ITGBL1: variants seen among roughly 807,000 people sequenced by gnomAD.
ITGBL1 encodes the protein integrin beta-like protein 1.
Under a neutral mutation model 68.5 loss-of-function variants are expected in ITGBL1, and 51 were observed. That is an observed-to-expected ratio of 0.74 (90% CI 0.59 to 0.94). The LOEUF (loss-of-function observed/expected upper bound fraction) is 0.94, where lower values mean the gene tolerates loss of function less well. Among genes scored for constraint, ITGBL1 ranks in the 40% least tolerant of loss-of-function variants. The probability of loss-of-function intolerance (pLI) is 0.00; values close to 1 mark genes in which losing one functional copy is unlikely to be tolerated. For synonymous variants in ITGBL1, 209 were observed against 227.3 expected, an observed-to-expected ratio of 0.92 and a Z score of 0.72; for missense variants, 649 against 647.4, an observed-to-expected ratio of 1.00 and a Z score of -0.03.
Position 101,571,387 on chromosome 13 carries a change from G to C in ITGBL1, c.463+3542G>C, listed in dbSNP as rs1030482286. 4.6e-5 allele frequency among the ~76,000 whole-genome samples: 7 copies of C among 152,036 alleles called. No homozygotes were observed. The South Asian group carries it at 1.0e-3, about 23-fold the overall frequency. ...GAATGACGTGTTCATAAGTCACTCA[G>C]ACTTATTTTATTTTCTTCTCTTTTA... On this transcript the variant is annotated intron_variant, in intron 3 of 10. Coordinates refer to ENST00000376180, the MANE Select transcript of ITGBL1 (RefSeq NM_004791.3).
intron 5 of ITGBL1, among the ~76,000 whole-genome samples, chr13:101,580,609 G>A (rs984901329): frequency 1.3e-5 from 2 of 152,030 alleles, no homozygotes; most frequent in Non-Finnish European, 2.9e-5. Flanking sequence ...ATCACAACAG[G>A]CCCCAGTGTG....
At chr13:101,498,074 C>T (rs1218864630) in intron 2 of ITGBL1, among the ~76,000 whole-genome samples, 2 of 152,008 alleles carry the variant, frequency 1.3e-5, no homozygotes, top group African/African-American at 4.8e-5. Context: ...ATTTGGTACT[C>T]CTGGTATGCA....
At chr13:101,620,019 A>G (rs1045424784) in intron 7 of ITGBL1, among the ~76,000 whole-genome samples, 3 of 152,124 alleles carry the variant, frequency 2.0e-5, no homozygotes, top group Admixed American at 6.6e-5. Flanking sequence ...GTTTTTAATG[A>G]TTACACATTA....
intron 7 of ITGBL1, among the ~76,000 whole-genome samples, chr13:101,671,429 T>TTTTTTG (rs2033360303): frequency 1.4e-5 from 1 of 70,534 alleles, no homozygotes; most frequent in African/African-American, 4.4e-5. Flanking sequence ...TACCTTTGTT[T>TTTTTTG]TTTTTTTGTT....
intron 2 of ITGBL1, among the ~76,000 whole-genome samples, chr13:101,503,044 G>T (rs1297711276): frequency 1.3e-5 from 2 of 152,118 alleles, no homozygotes; most frequent in Non-Finnish European, 2.9e-5. Context: ...TCTGATAGTG[G>T]TTTGTTCAAA....
At chr13:101,576,749 C>G (rs960864845) in intron 4 of ITGBL1, among the ~76,000 whole-genome samples, 9 of 152,228 alleles carry the variant, frequency 5.9e-5, no homozygotes, top group African/African-American at 2.2e-4. Context: ...TCCTTGATCT[C>G]CTGGCTGTAC....
chr13:101,463,207 G>A (rs1300912168), intron 2 of ITGBL1, among the ~76,000 whole-genome samples: 1 of 152,100 alleles, frequency 6.6e-6, no homozygotes, highest in Non-Finnish European at 1.5e-5. Context: ...TTTCAAATAA[G>A]CAATTTTCTT....
intron 2 of ITGBL1, among the ~76,000 whole-genome samples, chr13:101,496,976 T>C (rs1594847172): frequency 1.3e-5 from 2 of 152,090 alleles, no homozygotes; most frequent in African/African-American, 2.4e-5. Context: ...ATGTAGATCA[T>C]AGTAAAGGGG....
chr13:101,542,103 G>A (rs2049717048), intron 2 of ITGBL1, among the ~76,000 whole-genome samples: 3 of 152,116 alleles, frequency 2.0e-5, no homozygotes, highest in South Asian at 4.1e-4. Flanking sequence ...GCTAGCTTTT[G>A]AATGTGTTTG....
At position 101,611,860 on chromosome 13, in the gene ITGBL1, A is replaced by G. The variant is rs377197919; in HGVS notation, c.1015+13561A>G. Among the ~76,000 whole-genome samples the G allele has an allele frequency of 3.3e-5, 5 of 152,266 alleles. No individual in the cohort carries two copies. The East Asian group carries it at 9.7e-4, about 29-fold the overall frequency. On this transcript the variant is annotated intron_variant, in intron 7 of 10. Transcript: ENST00000376180. ...TGCCTGTCATTTCTGACATACCTTC[A>G]TAGCAGACTTTGTGTCTGGTTTTGC...
chr13:101,553,562 T>G (rs1194149093), intron 2 of ITGBL1, among the ~76,000 whole-genome samples: 1 of 152,116 alleles, frequency 6.6e-6, no homozygotes, highest in Non-Finnish European at 1.5e-5. Flanking sequence ...TGGTTTTGAA[T>G]TACAGAAATT....
intron 7 of ITGBL1, among the ~76,000 whole-genome samples, chr13:101,640,696 A>C (rs1372476477): frequency 6.6e-6 from 1 of 152,080 alleles, no homozygotes; most frequent in East Asian, 1.9e-4. Context: ...TGTGATGTCA[A>C]GGTTTGGGGT....
intron 7 of ITGBL1, among the ~76,000 whole-genome samples, chr13:101,615,235 A>G (rs1322659200): frequency 3.3e-5 from 5 of 152,024 alleles, no homozygotes; most frequent in African/African-American, 4.8e-5. Context: ...TCCCATAAGC[A>G]CAATAGTCTT....
intron 7 of ITGBL1, among the ~76,000 whole-genome samples, chr13:101,671,787 A>G (rs977576998): frequency 3.9e-5 from 6 of 152,306 alleles, no homozygotes; most frequent in East Asian, 1.9e-4. Flanking sequence ...TTTTATCCCT[A>G]TTTGATCCTA....
intron 6 of ITGBL1, among the ~76,000 whole-genome samples, chr13:101,595,717 G>A (rs1270772870): frequency 3.9e-5 from 6 of 152,136 alleles, no homozygotes; most frequent in Non-Finnish European, 7.4e-5. Flanking sequence ...CAGGGTTGTG[G>A]AGAAAAGGAA....
intron 7 of ITGBL1, among the ~76,000 whole-genome samples, chr13:101,687,320 T>TG (rs2033776779): frequency 6.6e-6 from 1 of 151,706 alleles, no homozygotes; most frequent in East Asian, 2.0e-4. Context: ...CATTTTCATG[T>TG]AGTTCTTATG....
intron 2 of ITGBL1, among the ~76,000 whole-genome samples, chr13:101,479,408 C>G (rs2048583761): frequency 6.6e-6 from 1 of 152,050 alleles, no homozygotes; most frequent in African/African-American, 2.4e-5. Flanking sequence ...GCAAAGATTT[C>G]TTGAGTAATA....
chr13:101,615,140 T>G (rs1319433716), intron 7 of ITGBL1, among the ~76,000 whole-genome samples: 2 of 152,102 alleles, frequency 1.3e-5, no homozygotes, highest in Non-Finnish European at 2.9e-5. Context: ...CCTTGGCTTG[T>G]GACTGCATCA....
chr13:101,586,877 CT>C (rs1223237861), intron 6 of ITGBL1, among the ~76,000 whole-genome samples: 1 of 151,980 alleles, frequency 6.6e-6, no homozygotes, highest in African/African-American at 2.4e-5. Context: ...TAAATTTTTC[CT>C]AATTAACAGT....
Sources: allele counts gnomAD v4.1 joint callset (sites outside exome capture counted in the v4.1 genomes callset), GRCh38; gene constraint gnomAD v4.1.1; transcripts MANE v1.5; gene names NCBI Gene and HGNC (gene_info 2026-07-23, HGNC 2026-07-21).